QSOX2: variants seen among roughly 807,000 people sequenced by gnomAD.
The protein encoded by QSOX2 is quiescin sulfhydryl oxidase 2, also known as sulfhydryl oxidase 2.
QSOX2 carries 46 observed loss-of-function variants against 61.7 expected under a neutral mutation model. The ratio of observed to expected loss-of-function variants is 0.75; its 90% CI spans 0.59 to 0.95. The LOEUF is 0.95. Among genes scored for constraint, QSOX2 ranks in the 40% least tolerant of loss-of-function variants. QSOX2 has a pLI of 0.00. For missense variants in QSOX2, 879 were observed against 918.9 expected, an observed-to-expected ratio of 0.96 and a Z score of 0.56; for synonymous variants, 383 against 388.4, an observed-to-expected ratio of 0.99 and a Z score of 0.16.
At chr9:136,229,554 A>G (rs899597034) in intron 1 of QSOX2, among the ~76,000 whole-genome samples, 2 of 152,242 alleles carry the variant, frequency 1.3e-5, no homozygotes, top group Non-Finnish European at 2.9e-5. Flanking sequence ...ACATGTAACA[A>G]AACAAAAAGT....
chr9:136,228,315 C>A (rs572347590), intron 1 of QSOX2, among the ~76,000 whole-genome samples: 1 of 152,328 alleles, frequency 6.6e-6, no homozygotes, highest in African/African-American at 2.4e-5. Context: ...GAGACCTGCC[C>A]TCACTGCAAC....
rs782165035 is a variant in QSOX2, at chr9:136,245,243, C to CT, written c.328+232dup. ...TTCAGACAGCCCAACTCGTCAGGAT[C>CT]TAACGGGGATTAACTGGGAGAGACA... On this transcript the variant is annotated intron_variant, in intron 1 of 11. Coordinates refer to ENST00000358701, the MANE Select transcript of QSOX2 (RefSeq NM_181701.4). Among the ~76,000 whole-genome samples, 6 of 152,316 alleles carry CT rather than the reference C, an allele frequency of 3.9e-5. No individual in the cohort carries two copies. In the East Asian group the frequency reaches 9.6e-4, roughly 24 times the overall value.
chr9:136,228,438 G>A (rs1020524681), intron 1 of QSOX2, among the ~76,000 whole-genome samples: 1 of 152,178 alleles, frequency 6.6e-6, no homozygotes, highest in African/African-American at 2.4e-5. Context: ...TAAAAGATTT[G>A]TGTTCTTCCT....
intron 1 of QSOX2, among the ~76,000 whole-genome samples, chr9:136,237,546 C>CGGCA (rs71384068): frequency 8.6e-6 from 1 of 116,164 alleles, no homozygotes; most frequent in South Asian, 2.8e-4. Context: ...CGTCCTGTGC[C>CGGCA]ACACCTGGAG....
intron 10 of QSOX2, 68 bp downstream of exon 10, chr9:136,215,086 C>T: frequency 6.4e-7 from 1 of 1,563,374 alleles, no homozygotes; most frequent in South Asian, 1.2e-5. Flanking sequence ...CATGCCTTTG[C>T]ACACACCGGC....
chr9:136,229,910 C>T (rs1025398662), intron 1 of QSOX2, among the ~76,000 whole-genome samples: 3 of 152,204 alleles, frequency 2.0e-5, no homozygotes, highest in Non-Finnish European at 2.9e-5. Flanking sequence ...GCACAGCGAC[C>T]GTGGAACTCT....
chr9:136,209,023 T>C lies in QSOX2; in HGVS notation c.1802A>G (p.His601Arg). The C allele has an allele frequency of 6.2e-7, 1 of 1,614,032 alleles. No homozygotes were observed. The highest frequency in any genetic ancestry group is 1.6e-4 in the Middle Eastern group (1 of 6,062). ...GACGCTCTGGGTGTCTCGGTCTCCA[T>C]GGGACACCTCTGGGGGAGTGAGTCT... ...EKRLTPPEVS[H>R]GDRDTQSVRP... is the part of the protein sequence containing the mutation. Residue 601 changes from histidine (H) to arginine (R), a missense_variant, in exon 12 of 12, where the codon CAT (histidine) becomes CGT (arginine). Transcript: ENST00000358701. This position sits in a 1 kb window ranked among gnomAD's most constrained non-coding sequence, Gnocchi z 5.6.
intron 1 of QSOX2, among the ~76,000 whole-genome samples, chr9:136,241,310 C>T (rs1043224153): frequency 6.6e-6 from 1 of 151,696 alleles, no homozygotes; most frequent in Non-Finnish European, 1.5e-5. Flanking sequence ...GGCCGTCAGC[C>T]CCGCCAAATG....
Position 136,223,916 on chromosome 9 carries a change from C to G in QSOX2, c.585-63G>C. The stretch of plus-strand genomic sequence containing the variant: ...ACAGCAGCGAGTTGGCCACCACATC[C>G]CAGTGGCCACATCACTTAATAGAAA... On this transcript the variant is annotated intron_variant, in intron 4 of 11. Coordinates refer to ENST00000358701, the MANE Select transcript of QSOX2 (RefSeq NM_181701.4). This position sits in a 1 kb window ranked among gnomAD's most constrained non-coding sequence, Gnocchi z 4.4. 6.4e-7 allele frequency: 1 copy of G among 1,554,740 alleles called. No homozygotes were observed. Among genetic ancestry groups the G allele is most frequent in the Non-Finnish European group, 8.9e-7 (1 of 1,126,710 alleles).
chr9:136,218,541 G>A (rs1588634483), intron 8 of QSOX2, 138 bp downstream of exon 8: 7 of 1,031,788 alleles, frequency 6.8e-6, no homozygotes, highest in East Asian at 5.5e-5. Flanking sequence ...GAGTTGGGGC[G>A]TGGGCCTGGG....
intron 1 of QSOX2, among the ~76,000 whole-genome samples, chr9:136,245,084 T>C (rs1281187481): frequency 1.3e-5 from 2 of 151,906 alleles, no homozygotes; most frequent in African/African-American, 4.8e-5. Flanking sequence ...AGGAAACAGG[T>C]AGGGTAGGAG....
chr9:136,214,333 T>A (rs73668092), intron 10 of QSOX2, among the ~76,000 whole-genome samples: 153 of 152,354 alleles, frequency 1.0e-3, no homozygotes, highest in African/African-American at 3.5e-3. Context: ...TCACACCACC[T>A]ATACTCACGC....
At chr9:136,218,128 C>A (rs1344860528) in intron 8 of QSOX2, among the ~76,000 whole-genome samples, 1 of 152,216 alleles carries the variant, frequency 6.6e-6, no homozygotes, top group East Asian at 1.9e-4. Context: ...ACCCTGGGCA[C>A]GGCCAGGCCT....
chr9:136,226,657 C>T (rs1014786787), intron 2 of QSOX2, 117 bp downstream of exon 2: 41 of 848,662 alleles, frequency 4.8e-5, no homozygotes, highest in Admixed American at 8.6e-5. Context: ...CCAGAGAAGC[C>T]GAAAACACAG....
chr9:136,231,937 C>T (rs1270374286), intron 1 of QSOX2, among the ~76,000 whole-genome samples: 4 of 145,196 alleles, frequency 2.8e-5, no homozygotes, highest in Non-Finnish European at 3.0e-5. Context: ...CCGCCTCCTC[C>T]GCAGGTCCCA....
Position 136,223,907 on chromosome 9 carries a change from C to T in QSOX2, c.585-54G>A, listed in dbSNP as rs1830252978. ...GTGCCGTCAACAGCAGCGAGTTGGC[C>T]ACCACATCCCAGTGGCCACATCACT... On this transcript the variant is annotated intron_variant, in intron 4 of 11. Transcript: ENST00000358701. The surrounding 1 kb of genome is among the most constrained non-coding windows in gnomAD (Gnocchi z 4.4). 1.3e-6 allele frequency: 2 copies of T among 1,584,714 alleles called. No individual in the cohort carries two copies. The highest frequency in any genetic ancestry group is 1.1e-5 in the South Asian group (1 of 90,342).
chr9:136,206,847 AC>A lies in QSOX2; in HGVS notation c.*1880del, dbSNP rs1233821663. On this transcript the variant is annotated 3_prime_UTR_variant, in exon 12 of 12. Transcript: ENST00000358701. ...ACACCGTCCCAGGTCACTCCAGGTCACCCCAGCTAAAGACATTCAACACCAG... is the reference window on the plus strand; with the variant it reads ...ACACCGTCCCAGGTCACTCCAGGTCACCCAGCTAAAGACATTCAACACCAG... 3 of 152,328 alleles carry A rather than the reference AC, an allele frequency of 2.0e-5. No individual in the cohort carries two copies. Among genetic ancestry groups the A allele is most frequent in the Admixed American group, 2.0e-4 (3 of 15,280 alleles). The allele number at this position is 152,328 out of a possible 1,614,324, so 9.4% of individuals were successfully genotyped here.
chr9:136,218,150 G>T (rs560660228), intron 8 of QSOX2, among the ~76,000 whole-genome samples: 8 of 152,260 alleles, frequency 5.3e-5, no homozygotes, highest in Non-Finnish European at 7.4e-5. Context: ...AGCTCTGTTG[G>T]GTGGCATCTC....
At chr9:136,216,519 G>C in intron 9 of QSOX2, 81 bp downstream of exon 9, 1 of 1,571,156 alleles carries the variant, frequency 6.4e-7, no homozygotes, top group Non-Finnish European at 8.7e-7. Context: ...CCCCGAGCAG[G>C]GAGATGCACC....
Sources: allele counts gnomAD v4.1 joint callset (sites outside exome capture counted in the v4.1 genomes callset), GRCh38; gene constraint gnomAD v4.1.1; non-coding constraint Gnocchi (gnomAD v3.1); transcripts MANE v1.5; gene names NCBI Gene and HGNC (gene_info 2026-07-23, HGNC 2026-07-21).